The following XRRA1 variants were observed in gnomAD, a reference collection of about 807,000 sequenced individuals.
The protein encoded by XRRA1 is X-ray radiation resistance associated 1.
A neutral mutation model predicts 80.2 loss-of-function variants in XRRA1; 69 were observed. That is an observed-to-expected ratio of 0.86 (90% confidence interval 0.71 to 1.05). The LOEUF (loss-of-function observed/expected upper bound fraction) is 1.05. XRRA1 is among the 50% of genes least tolerant of loss of function. The pLI, the probability that XRRA1 is intolerant of heterozygous loss-of-function variation, is 0.00. For synonymous variants in XRRA1, 348 were observed against 389.9 expected (o/e 0.89, Z 1.27); for missense variants, 967 against 976.4 (o/e 0.99, Z 0.13).
intron 10 of XRRA1, among the ~76,000 whole-genome samples, chr11:74,905,058 CTAT>C (rs983397227): frequency 2.0e-5 from 3 of 152,000 alleles, no homozygotes; most frequent in African/African-American, 4.8e-5. Flanking sequence ...TAAGTTGTTA[CTAT>C]TATTATTTGT....
At chr11:74,900,026 G>A (rs529578136) in intron 10 of XRRA1, among the ~76,000 whole-genome samples, 5 of 151,798 alleles carry the variant, frequency 3.3e-5, no homozygotes, top group South Asian at 4.2e-4. Flanking sequence ...TTAGCCAGGC[G>A]TGGTGGCAGA....
intron 8 of XRRA1, among the ~76,000 whole-genome samples, chr11:74,913,975 T>TTTTA (rs2138567305): frequency 6.6e-6 from 1 of 152,260 alleles, no homozygotes; most frequent in African/African-American, 2.4e-5. Flanking sequence ...TGGATTTTAT[T>TTTTA]TTTATTTATT....
At chr11:74,934,678 A>C (rs1944497779) in intron 4 of XRRA1, among the ~76,000 whole-genome samples, 1 of 152,198 alleles carries the variant, frequency 6.6e-6, no homozygotes, top group Admixed American at 6.5e-5. Flanking sequence ...GGCAGGAAAA[A>C]GCAAGGTGCT....
At chr11:74,868,496 C>T (rs1161186767) in intron 10 of XRRA1, among the ~76,000 whole-genome samples, 2 of 152,034 alleles carry the variant, frequency 1.3e-5, no homozygotes, top group African/African-American at 4.8e-5. Flanking sequence ...TGAACAAATC[C>T]TCACATATCA....
At chr11:74,903,048 TA>T (rs1351347465) in intron 10 of XRRA1, among the ~76,000 whole-genome samples, 1 of 152,048 alleles carries the variant, frequency 6.6e-6, no homozygotes, top group Non-Finnish European at 1.5e-5. Flanking sequence ...CCCAGAATAA[TA>T]AAACTTAGAA....
rs778808379 is a variant in XRRA1, at chr11:74,845,319, C to T, written c.1729-48G>A. 6 of 1,548,672 alleles carry T rather than the reference C, an allele frequency of 3.9e-6. No homozygotes were observed. The African/African-American group carries it at 5.5e-5, about 14-fold the overall frequency. ...TTCATTTGTCACTCATTCATTCATT[C>T]ATTCCATGAACATTCGGAGTATCAT... On this transcript the variant is annotated intron_variant, in intron 15 of 18. Coordinates refer to ENST00000684022, the MANE Select transcript of XRRA1 (RefSeq NM_001378157.1).
chr11:74,845,198 G>C lies in XRRA1; in HGVS notation c.1802C>G (p.Pro601Arg). Residue 601 changes from proline to arginine, a missense_variant, in exon 16 of 19, where the codon CCA becomes CGA. Physicochemically the swap from Pro to Arg is moderately radical, Grantham distance 103 (BLOSUM62 -2). Coordinates refer to ENST00000684022, the MANE Select transcript of XRRA1 (RefSeq NM_001378157.1). ...ELKEKDQKKPPTAPREVKGTR... is the reference protein window; with the variant it reads ...ELKEKDQKKPRTAPREVKGTR... ...CCCTTTCACCTCTCTGGGTGCCGTT[G>C]GTGGTTTCTTTTGGTCTTTCTCCTT... is the stretch of plus-strand genomic sequence containing the variant. 1 of 1,614,024 alleles carries C rather than the reference G, an allele frequency of 6.2e-7. No individual in the cohort carries two copies.
chr11:74,906,225 G>A lies in XRRA1; in HGVS notation c.1003+14C>T. 3 of 1,608,396 alleles carry A rather than the reference G, an allele frequency of 1.9e-6. No homozygotes were observed. Among genetic ancestry groups the A allele is most frequent in the Middle Eastern group, 3.4e-4 (2 of 5,806 alleles). Reference sequence around the variant, plus strand: ...CATGAGGGTAGAATTTCTGGGACAAGGGGTGTCACTCACCTGTCCGGTCAA... The same window carrying A: ...CATGAGGGTAGAATTTCTGGGACAAAGGGTGTCACTCACCTGTCCGGTCAA... On this transcript the variant is annotated intron_variant, in intron 10 of 18. Coordinates refer to ENST00000684022, the MANE Select transcript of XRRA1 (RefSeq NM_001378157.1).
chr11:74,931,078 A>T (rs968643963), intron 5 of XRRA1, among the ~76,000 whole-genome samples: 1 of 151,922 alleles, frequency 6.6e-6, no homozygotes, highest in Non-Finnish European at 1.5e-5. Context: ...AAGTGCTAGG[A>T]TTACAGGCGT....
At chr11:74,896,896 C>T (rs376069861) in intron 10 of XRRA1, among the ~76,000 whole-genome samples, 1 of 152,100 alleles carries the variant, frequency 6.6e-6, no homozygotes, top group Admixed American at 6.6e-5. Flanking sequence ...CCTTCAAATA[C>T]CTGGAAAGCC....
chr11:74,877,456 TTTTTTTA>T (rs2046308768), intron 10 of XRRA1, among the ~76,000 whole-genome samples: 2 of 152,108 alleles, frequency 1.3e-5, no homozygotes, highest in African/African-American at 4.8e-5. Flanking sequence ...TGGGATTCTT[TTTTTTTA>T]TTTTTTATTT....
Position 74,843,231 on chromosome 11 carries a change from T to A in XRRA1, c.2372A>T (p.Gln791Leu). Residue 791 changes from glutamine to leucine, a missense_variant, in exon 19 of 19, where the codon CAG becomes CTG. Physicochemically the swap from Gln to Leu is moderately radical, Grantham distance 113. Coordinates refer to ENST00000684022, the MANE Select transcript of XRRA1 (RefSeq NM_001378157.1). Reference protein sequence around the residue: ...HFLEFMDEFCQEPTASDSQG With the variant: ...HFLEFMDEFCLEPTASDSQG The stretch of plus-strand genomic sequence containing the variant: ...TTGTGAGTCACTGGCTGTGGGCTCC[T>A]GGCAGAACTCATCCATGAACTCGAG... The A allele has an allele frequency of 6.4e-7, 1 of 1,560,516 alleles. No individual in the cohort carries two copies. Among genetic ancestry groups the A allele is most frequent in the Non-Finnish European group, 8.7e-7 (1 of 1,152,330 alleles).
intron 14 of XRRA1, among the ~76,000 whole-genome samples, chr11:74,850,172 A>C (rs2039404093): frequency 2.0e-5 from 3 of 152,196 alleles, no homozygotes; most frequent in Admixed American, 2.0e-4. Context: ...ACTTTTAACA[A>C]GTCAGTTCAC....
At position 74,843,253 on chromosome 11, in the gene XRRA1, C is replaced by A; in HGVS notation, c.2350G>T (p.Glu784Ter). 6.4e-7 allele frequency: 1 copy of A among 1,568,354 alleles called. No homozygotes were observed. Among genetic ancestry groups the A allele is most frequent in the Non-Finnish European group, 8.6e-7 (1 of 1,156,692 alleles). The change falls in exon 19 of 19, where the codon GAG becomes TAG. Residue 784 changes from glutamate to a stop codon, truncating the protein, a stop_gained. Transcript: ENST00000684022. LOFTEE classifies it high-confidence loss of function. ...ESQPKFGHFL[E>*]FMDEFCQEPT... The stretch of plus-strand genomic sequence containing the variant: ...TCCTGGCAGAACTCATCCATGAACT[C>A]GAGGAAGTGGCCGAACTTGGGCTGG...
intron 8 of XRRA1, among the ~76,000 whole-genome samples, chr11:74,908,102 A>G (rs867223913): frequency 6.6e-6 from 1 of 152,268 alleles, no homozygotes; most frequent in Non-Finnish European, 1.5e-5. Flanking sequence ...GCACAAATGC[A>G]TATAGTATAC....
intron 4 of XRRA1, among the ~76,000 whole-genome samples, chr11:74,935,608 C>A (rs757065609): frequency 2.0e-5 from 3 of 152,110 alleles, no homozygotes; most frequent in Non-Finnish European, 4.4e-5. Flanking sequence ...TCAAGGATAA[C>A]CTCAGGTACT....
chr11:74,881,586 T>C lies in XRRA1; in HGVS notation c.1004-18565A>G, dbSNP rs1415784124. ...ATGGTCTTTACATTTTGGCATGATT[T>C]TGCAGCAGCTGGTACCGGTTGTTCC... On this transcript the variant is annotated intron_variant, in intron 10 of 18. Transcript: ENST00000684022. 3.9e-3 allele frequency among the ~76,000 whole-genome samples: 593 copies of C among 152,088 alleles called. 1 individual carries two copies. The highest frequency in any genetic ancestry group is 0.014 in the African/African-American group (580 of 41,352).
intron 3 of XRRA1, among the ~76,000 whole-genome samples, chr11:74,938,842 C>T (rs1485637821): frequency 1.3e-5 from 2 of 152,024 alleles, no homozygotes; most frequent in East Asian, 3.9e-4. Context: ...CCCACAATCA[C>T]ACAAAGTCAA....
intron 15 of XRRA1, among the ~76,000 whole-genome samples, chr11:74,845,747 G>A (rs990829557): frequency 3.3e-5 from 5 of 152,218 alleles, no homozygotes; most frequent in African/African-American, 1.2e-4. Flanking sequence ...AGCAGGACCC[G>A]GATCGGTAAG....
Sources: gnomAD v4.1 joint callset for allele counts (sites outside exome capture counted in the v4.1 genomes callset) on GRCh38, gnomAD v4.1.1 for gene constraint, MANE v1.5 for transcripts, NCBI Gene and HGNC (gene_info 2026-07-23, HGNC 2026-07-21) for gene names.